Variants in COL6A2 observed in about 807,000 individuals in gnomAD.
COL6A2 encodes collagen type VI alpha 2 chain, also known as collagen alpha-2(VI) chain.
A neutral mutation model predicts 124.9 loss-of-function variants in COL6A2; 90 were observed. That is an observed-to-expected ratio of 0.72 (90% CI 0.61 to 0.86). The LOEUF (loss-of-function observed/expected upper bound fraction) is 0.86, where lower values mean the gene tolerates loss of function less well. Ranked by LOEUF, COL6A2 falls within the 40% of genes least tolerant of loss-of-function variation. COL6A2 has a pLI of 0.00. For missense variants in COL6A2, 1,607 were observed against 1,502.5 expected, an observed-to-expected ratio of 1.07 and a Z score of -1.15; for synonymous variants, 793 against 618.2, an observed-to-expected ratio of 1.28 and a Z score of -4.19.
intron 12 of COL6A2, 47 bp downstream of exon 12, chr21:46,117,983 CA>C: frequency 6.4e-7 from 1 of 1,572,244 alleles, no homozygotes; most frequent in African/African-American, 1.3e-5. Context: ...CACCAGCTTC[CA>C]GGGGCCTCCT....
intron 1 of COL6A2, among the ~76,000 whole-genome samples, chr21:46,109,542 T>C (rs2123607297): frequency 6.6e-6 from 1 of 152,284 alleles, no homozygotes; most frequent in South Asian, 2.1e-4. Flanking sequence ...CAGCCATCCA[T>C]GGTGCCCAGG....
rs373731822 is a variant in COL6A2 at position 46,126,128 on chromosome 21, C to T, written c.2313C>T (p.Asn771=). Residue 771 remains asparagine (N), a synonymous_variant, in exon 26 of 28, where the codon AAC becomes AAT. Coordinates refer to ENST00000300527, the MANE Select transcript of COL6A2 (RefSeq NM_001849.4). ...DMFHEKHESE[N]LYSIACDKPQ... is the part of the protein sequence containing the mutation. ...TCCACGAGAAGCACGAGAGTGAAAA[C>T]CTCTACTCCATCGCCTGCGACAAGC... is the stretch of plus-strand genomic sequence containing the variant. 4.5e-5 allele frequency: 73 copies of T among 1,612,072 alleles called. No individual in the cohort carries two copies. The highest frequency in any genetic ancestry group is 5.5e-5 in the Non-Finnish European group (65 of 1,180,026).
At chr21:46,128,124 A>G (rs542130890) in intron 27 of COL6A2, among the ~76,000 whole-genome samples, 1 of 152,204 alleles carries the variant, frequency 6.6e-6, no homozygotes, top group Non-Finnish European at 1.5e-5. Context: ...AGACGGTGAC[A>G]TGGAGTGAGC....
Position 46,109,837 on chromosome 21 carries a change from C to T in COL6A2, c.-27-1613C>T, listed in dbSNP as rs545054879. Among the ~76,000 whole-genome samples, 16 of 152,304 alleles carry T rather than the reference C, an allele frequency of 1.1e-4. No homozygotes were observed. The East Asian group carries it at 2.7e-3, about 26-fold the overall frequency. The stretch of plus-strand genomic sequence containing the variant: ...GGGAAAGAGGGGCCTTCCCTGGCTC[C>T]CCAAGAGTGCAGCGATGCCTGGGTC... On this transcript the variant is annotated intron_variant, in intron 1 of 27. Transcript: ENST00000300527.
rs766018522 is a variant in COL6A2 at position 46,117,387 on chromosome 21, C to G, written c.1000-13C>G. The G allele has an allele frequency of 6.2e-7, 1 of 1,612,486 alleles. No individual in the cohort carries two copies. Among genetic ancestry groups the G allele is most frequent in the South Asian group, 1.1e-5 (1 of 90,962 alleles). On this transcript the variant is annotated splice_polypyrimidine_tract_variant and intron_variant, in intron 10 of 27. Transcript: ENST00000300527. ...CCCCGCCCTGAGACTCCTCCTGCCC[C>G]CTTCTCCTTCAGGGCAAGCTGGGGC...
chr21:46,125,027 A>C, intron 23 of COL6A2, 107 bp downstream of exon 23: 1 of 1,399,006 alleles, frequency 7.1e-7, no homozygotes, highest in Non-Finnish European at 1.0e-6. Context: ...GAGCAAGATC[A>C]GTGGAGGAGG....
chr21:46,120,734 C>T lies in COL6A2; in HGVS notation c.1395+157C>T, dbSNP rs1005157745. ...AAGGGGGGCCCAGGTGAGGGCTATA[C>T]CTCAAGGTAGGGGACCCAGGCGGGT... On this transcript the variant is annotated intron_variant, in intron 16 of 27. Transcript: ENST00000300527. 1.4e-4 allele frequency among the ~76,000 whole-genome samples: 21 copies of T among 151,804 alleles called. 1 individual carries two copies. Among genetic ancestry groups the T allele is most frequent in the Admixed American group, 2.0e-4 (3 of 15,270 alleles).
At position 46,125,912 on chromosome 21, in the gene COL6A2, C is replaced by T. The variant is rs13046639; in HGVS notation, c.2097C>T (p.Gly699=). 779,207 of 1,612,538 alleles carry T rather than the reference C, an allele frequency of 0.48. 193,839 individuals carry two copies. Among genetic ancestry groups the T allele is most frequent in the Admixed American group, 0.63 (37,601 of 59,978 alleles). The change falls in exon 26 of 28, where the codon GGC becomes GGT. Residue 699 remains glycine, a synonymous_variant. Transcript: ENST00000300527. ...TCAAGAACCTCGAGTGGATTGCGGGCGGCACCTGGACACCCTCAGCCCTCA... is the reference window on the plus strand; with the variant it reads ...TCAAGAACCTCGAGTGGATTGCGGGTGGCACCTGGACACCCTCAGCCCTCA... The part of the protein sequence containing the change: ...EAVKNLEWIA[G]GTWTPSALKF...
intron 1 of COL6A2, among the ~76,000 whole-genome samples, chr21:46,106,097 C>G (rs1198168368): frequency 1.3e-5 from 2 of 152,024 alleles, no homozygotes; most frequent in African/African-American, 4.8e-5. Flanking sequence ...TAATACCAGA[C>G]AAGATAGGCT....
intron 24 of COL6A2, 47 bp downstream of exon 24, chr21:46,125,358 G>C: frequency 1.2e-6 from 2 of 1,604,870 alleles, no homozygotes; most frequent in South Asian, 1.1e-5. Context: ...ACCGGGTGGA[G>C]GGCGGGAGTG....
intron 27 of COL6A2, among the ~76,000 whole-genome samples, chr21:46,131,697 A>AGGGCCTG (rs1212267245): frequency 7.9e-5 from 12 of 152,148 alleles, no homozygotes; most frequent in Non-Finnish European, 1.8e-4. Context: ...GCAGGTGGAC[A>AGGGCCTG]GGGCCTGGGG....
Position 46,111,458 on chromosome 21 carries a change from G to T in COL6A2, c.-19G>T. 1.3e-6 allele frequency: 2 copies of T among 1,598,860 alleles called. No homozygotes were observed. The highest frequency in any genetic ancestry group is 1.7e-6 in the Non-Finnish European group (2 of 1,167,984). Reference sequence around the variant, plus strand: ...CCCCACCCCTGTTGCAGGACTTCAGGGCCACAGGTGCTGCCAAGATGCTCC... The same window carrying T: ...CCCCACCCCTGTTGCAGGACTTCAGTGCCACAGGTGCTGCCAAGATGCTCC... On this transcript the variant is annotated 5_prime_UTR_variant, in exon 2 of 28. Coordinates refer to ENST00000300527, the MANE Select transcript of COL6A2 (RefSeq NM_001849.4).
rs904542001 is a variant in COL6A2 at position 46,118,569 on chromosome 21, T to A, written c.1117-45T>A. ...CCGCAGCGGGCATCCTGCACCCCCCTTCCCCTGCCAAAAGACGTGAGGCTG... is the reference window on the plus strand; with the variant it reads ...CCGCAGCGGGCATCCTGCACCCCCCATCCCCTGCCAAAAGACGTGAGGCTG... On this transcript the variant is annotated intron_variant, in intron 12 of 27. Coordinates refer to ENST00000300527, the MANE Select transcript of COL6A2 (RefSeq NM_001849.4). The A allele has an allele frequency of 1.9e-6, 3 of 1,602,834 alleles. No individual in the cohort carries two copies. The African/African-American group carries it at 4.0e-5, about 21-fold the overall frequency.
At chr21:46,123,910 G>A (rs62213989) in intron 21 of COL6A2, among the ~76,000 whole-genome samples, 8 of 143,444 alleles carry the variant, frequency 5.6e-5, no homozygotes, top group Admixed American at 1.4e-4. Flanking sequence ...TGGATGGGTG[G>A]GTGGATAGAG....
In COL6A2 at chr21:46,116,721, G is replaced by C; in HGVS notation, c.954+44G>C. On this transcript the variant is annotated intron_variant, in intron 9 of 27. Coordinates refer to ENST00000300527, the MANE Select transcript of COL6A2 (RefSeq NM_001849.4). This position sits in a 1 kb window ranked among gnomAD's most constrained non-coding sequence, Gnocchi z 4.6. ...CAGAGCCCCTCCTTCCTGCTGCTCA[G>C]GGCAGAAGGACCGGGGCTAATGGAG... 6.2e-7 allele frequency: 1 copy of C among 1,613,048 alleles called. No individual in the cohort carries two copies.
At chr21:46,118,982 C>A in intron 13 of COL6A2, 48 bp from the exon 14 acceptor site, 1 of 1,433,738 alleles carries the variant, frequency 7.0e-7, no homozygotes, top group Non-Finnish European at 9.8e-7. Flanking sequence ...GTGACCATGC[C>A]TCAGGGCCCC....
chr21:46,104,844 A>G lies in COL6A2; in HGVS notation c.-27-6606A>G, dbSNP rs144899008. 2.2e-4 allele frequency among the ~76,000 whole-genome samples: 34 copies of G among 152,366 alleles called. 1 individual carries two copies. The East Asian group carries it at 5.4e-3, about 24-fold the overall frequency. ...AAACTATTAGCAGATTTCTGATCAG[A>G]AACTTTGAAGGCCACAAGGCAGTGG... On this transcript the variant is annotated intron_variant, in intron 1 of 27. Coordinates refer to ENST00000300527, the MANE Select transcript of COL6A2 (RefSeq NM_001849.4).
chr21:46,127,267 A>AGGGAGGAAACCTCAGGGTCTGC (rs2078686104), intron 27 of COL6A2, among the ~76,000 whole-genome samples: 1 of 152,120 alleles, frequency 6.6e-6, no homozygotes, highest in Non-Finnish European at 1.5e-5. Context: ...GGAGGACCAC[A>AGGGAGGAAACCTCAGGGTCTGC]GGGAGGAAAC....
chr21:46,126,484 CCT>C lies in COL6A2; in HGVS notation c.2423-13_2423-12del, dbSNP rs2123666734. ...AGGGACTGACCCTGGCCTGGCCCGG[CCT>C]CTCTCCTCTCTTCCAGACCCTCAGA... is the stretch of plus-strand genomic sequence containing the variant. On this transcript the variant is annotated splice_polypyrimidine_tract_variant and intron_variant, in intron 26 of 27. Transcript: ENST00000300527. 6.2e-7 allele frequency: 1 copy of C among 1,612,992 alleles called. No individual in the cohort carries two copies. Among genetic ancestry groups the C allele is most frequent in the Non-Finnish European group, 8.5e-7 (1 of 1,179,572 alleles).
Sources: allele counts gnomAD v4.1 joint callset (sites outside exome capture counted in the v4.1 genomes callset), GRCh38; gene constraint gnomAD v4.1.1; non-coding constraint Gnocchi (gnomAD v3.1); transcripts MANE v1.5; gene names NCBI Gene and HGNC (gene_info 2026-07-23, HGNC 2026-07-21).